The following KCND2 variants were observed in gnomAD, a reference collection of about 807,000 sequenced individuals.
KCND2 encodes potassium voltage-gated channel subfamily D member 2.
Under a neutral mutation model 54.4 loss-of-function variants are expected in KCND2, and 16 were observed. The ratio of observed to expected loss-of-function variants is 0.29; its 90% CI spans 0.20 to 0.45. The LOEUF (loss-of-function observed/expected upper bound fraction) is 0.45, where lower values mean the gene tolerates loss of function less well. KCND2 is among the 20% of genes least tolerant of loss of function. The pLI, the probability that KCND2 is intolerant of heterozygous loss-of-function variation, is 1.00. For missense variants in KCND2, 486 were observed against 824.2 expected, an observed-to-expected ratio of 0.59 and a Z score of 5.02; for synonymous variants, 317 against 310.7, an observed-to-expected ratio of 1.02 and a Z score of -0.21.
intron 1 of KCND2, among the ~76,000 whole-genome samples, chr7:120,408,405 C>G (rs984569979): frequency 2.0e-5 from 3 of 151,662 alleles, no homozygotes; most frequent in African/African-American, 7.3e-5. Context: ...TTTATTATAG[C>G]TAGAGGTAAA....
intron 1 of KCND2, among the ~76,000 whole-genome samples, chr7:120,446,559 C>CACACAT (rs3067071): frequency 7.3e-5 from 11 of 151,188 alleles, no homozygotes; most frequent in East Asian, 2.0e-4. Flanking sequence ...CACACACACA[C>CACACAT]ACACATACAC....
At chr7:120,479,752 A>G (rs181447172) in intron 1 of KCND2, among the ~76,000 whole-genome samples, 21 of 147,078 alleles carry the variant, frequency 1.4e-4, no homozygotes, top group African/African-American at 5.0e-4. Flanking sequence ...AACATGGCAA[A>G]ACCCCATCTC....
intron 1 of KCND2, among the ~76,000 whole-genome samples, chr7:120,431,538 C>T (rs549749589): frequency 3.9e-5 from 6 of 152,216 alleles, no homozygotes; most frequent in South Asian, 4.1e-4. Context: ...ATTCTCCACA[C>T]GTGCCTTTTC....
At chr7:120,724,226 G>C (rs1483302024) in intron 1 of KCND2, among the ~76,000 whole-genome samples, 1 of 152,134 alleles carries the variant, frequency 6.6e-6, no homozygotes, top group Non-Finnish European at 1.5e-5. Flanking sequence ...CTCATGATCT[G>C]GTAAGAGAAG....
At chr7:120,371,679 C>T (rs1800767889) in intron 1 of KCND2, among the ~76,000 whole-genome samples, 1 of 151,986 alleles carries the variant, frequency 6.6e-6, no homozygotes, top group African/African-American at 2.4e-5. Flanking sequence ...TGTACTTTGT[C>T]TTTTATGCTT....
intron 1 of KCND2, among the ~76,000 whole-genome samples, chr7:120,545,052 T>C (rs2116386928): frequency 6.6e-6 from 1 of 152,058 alleles, no homozygotes; most frequent in Admixed American, 6.6e-5. Context: ...TTCTGTAAAC[T>C]CCTTCACTCT....
chr7:120,335,930 G>T (rs1157915836), intron 1 of KCND2, among the ~76,000 whole-genome samples: 3 of 151,876 alleles, frequency 2.0e-5, no homozygotes, highest in East Asian at 1.9e-4. Flanking sequence ...TTTTTTTCTA[G>T]TATGCTCAAA....
intron 1 of KCND2, among the ~76,000 whole-genome samples, chr7:120,282,216 A>G (rs1799276051): frequency 6.6e-6 from 1 of 152,190 alleles, no homozygotes; most frequent in East Asian, 1.9e-4. Flanking sequence ...CCATGGGTCA[A>G]CAGATACTTT....
chr7:120,471,304 A>T (rs1018247732), intron 1 of KCND2, among the ~76,000 whole-genome samples: 2 of 152,116 alleles, frequency 1.3e-5, no homozygotes, highest in Admixed American at 1.3e-4. Context: ...ATGTGATATT[A>T]ATCCTCAAAA....
In KCND2 at chr7:120,650,444, G is replaced by T. The variant is rs774007888; in HGVS notation, c.1116-82459G>T. Among the ~76,000 whole-genome samples, 14 of 141,624 alleles carry T rather than the reference G, an allele frequency of 9.9e-5. 2 individuals carry two copies. Among genetic ancestry groups the T allele is most frequent in the Non-Finnish European group, 7.6e-5 (5 of 65,454 alleles). The allele number at this position is 141,624 out of a possible 152,430, so 92.9% of individuals were successfully genotyped here. On this transcript the variant is annotated intron_variant, in intron 1 of 5. Transcript: ENST00000331113. ...GCTGTGCATTTGTCGTGTAGTTCTC[G>T]TGCCATGGTTTTCAGCTCCATCAGG...
chr7:120,356,550 G>A (rs1455013540), intron 1 of KCND2, among the ~76,000 whole-genome samples: 2 of 152,062 alleles, frequency 1.3e-5, no homozygotes, highest in Non-Finnish European at 2.9e-5. Context: ...TAATTGAAAC[G>A]TGATTAATCA....
chr7:120,428,535 T>A (rs1407778401), intron 1 of KCND2, among the ~76,000 whole-genome samples: 1 of 152,218 alleles, frequency 6.6e-6, no homozygotes, highest in Non-Finnish European at 1.5e-5. Context: ...TTTGCTTTTT[T>A]AATAAAGTTG....
At chr7:120,595,460 A>AAAATATAT (rs1418247126) in intron 1 of KCND2, among the ~76,000 whole-genome samples, 2 of 112,950 alleles carry the variant, frequency 1.8e-5, no homozygotes, top group Admixed American at 1.0e-4. Flanking sequence ...CCAAAAAAAA[A>AAAATATAT]ATATATATAT....
intron 1 of KCND2, among the ~76,000 whole-genome samples, chr7:120,313,956 G>GA (rs1021211523): frequency 1.3e-4 from 19 of 147,650 alleles, no homozygotes; most frequent in African/African-American, 4.8e-4. Context: ...ATACAAAAAA[G>GA]AAAAAAAAGC....
At chr7:120,437,654 C>T (rs184552887) in intron 1 of KCND2, among the ~76,000 whole-genome samples, 25 of 152,132 alleles carry the variant, frequency 1.6e-4, no homozygotes, top group African/African-American at 5.8e-4. Flanking sequence ...TTAATTAAAC[C>T]TATGCTAATG....
intron 1 of KCND2, among the ~76,000 whole-genome samples, chr7:120,401,824 A>T (rs534728199): frequency 4.9e-4 from 74 of 152,148 alleles, no homozygotes; most frequent in African/African-American, 1.7e-3. Context: ...TGAGTCTAAG[A>T]CTTATTTTTC....
At chr7:120,452,628 C>G (rs541108907) in intron 1 of KCND2, among the ~76,000 whole-genome samples, 1 of 151,728 alleles carries the variant, frequency 6.6e-6, no homozygotes, top group African/African-American at 2.4e-5. Context: ...CTTGCTCTCA[C>G]AATGAACCTC....
chr7:120,289,085 G>C (rs978342988), intron 1 of KCND2, among the ~76,000 whole-genome samples: 27 of 148,142 alleles, frequency 1.8e-4, no homozygotes, highest in African/African-American at 6.2e-4. Flanking sequence ...CACAGAGAGA[G>C]AGAGAGAGAC....
At chr7:120,637,394 G>T (rs1455047201) in intron 1 of KCND2, among the ~76,000 whole-genome samples, 1 of 151,996 alleles carries the variant, frequency 6.6e-6, no homozygotes, top group Non-Finnish European at 1.5e-5. Flanking sequence ...CAAGATGTAG[G>T]AATTTAACCA....
Sources: gnomAD v4.1 joint callset for allele counts (sites outside exome capture counted in the v4.1 genomes callset) on GRCh38, gnomAD v4.1.1 for gene constraint, MANE v1.5 for transcripts, NCBI Gene and HGNC (gene_info 2026-07-23, HGNC 2026-07-21) for gene names.